The following ADGRF5 variants were observed in gnomAD, a reference collection of about 807,000 sequenced individuals.
ADGRF5 encodes G-protein coupled receptor 116.
In ADGRF5, 75 loss-of-function variants were observed where a neutral mutation model predicts 132.3. The ratio of observed to expected loss-of-function variants is 0.57; its 90% CI spans 0.47 to 0.69. The LOEUF (loss-of-function observed/expected upper bound fraction) is 0.69, where lower values mean the gene tolerates loss of function less well. Ranked by LOEUF, ADGRF5 falls within the 30% of genes least tolerant of loss-of-function variation. The probability of loss-of-function intolerance (pLI) is 0.00; values close to 1 mark genes in which losing one functional copy is unlikely to be tolerated. For synonymous variants in ADGRF5, 629 were observed against 597.6 expected, an observed-to-expected ratio of 1.05 and a Z score of -0.77; for missense variants, 1,516 against 1,630.6, an observed-to-expected ratio of 0.93 and a Z score of 1.21.
At chr6:46,855,240 G>A (rs1183585283) in intron 20 of ADGRF5, among the ~76,000 whole-genome samples, 1 of 152,064 alleles carries the variant, frequency 6.6e-6, no homozygotes, top group African/African-American at 2.4e-5. Context: ...ATAATAGCAG[G>A]GTTGACTGAA....
chr6:46,864,526 A>ATTTT (rs200329634), intron 14 of ADGRF5, among the ~76,000 whole-genome samples: 1 of 141,594 alleles, frequency 7.1e-6, no homozygotes, highest in African/African-American at 2.6e-5. Context: ...ACATGTAATA[A>ATTTT]TTTTTTTTTT....
At chr6:46,881,636 A>C (rs1340900454) in intron 7 of ADGRF5, 39 bp from the exon 8 acceptor site, 1 of 1,590,336 alleles carries the variant, frequency 6.3e-7, no homozygotes, top group African/African-American at 1.3e-5. Context: ...ACAATAACTG[A>C]CCTGGAAGAG....
intron 1 of ADGRF5, among the ~76,000 whole-genome samples, chr6:46,911,283 T>G (rs1775926769): frequency 6.6e-6 from 1 of 152,236 alleles, no homozygotes; most frequent in Non-Finnish European, 1.5e-5. Flanking sequence ...AATAAGCATC[T>G]ATAATACTTT....
chr6:46,922,775 C>T (rs953763649), upstream of ADGRF5, among the ~76,000 whole-genome samples: 19 of 152,144 alleles, frequency 1.2e-4, no homozygotes, highest in Non-Finnish European at 1.5e-4. Flanking sequence ...ATAAGTGCTT[C>T]GGGTGAGTCC....
Position 46,853,922 on chromosome 6 carries a change from T to C in ADGRF5, c.*70A>G. On this transcript the variant is annotated 3_prime_UTR_variant, in exon 21 of 21. Transcript: ENST00000283296. ...CCCCGAGAACACGTTCCCCATTGCT[T>C]TGCAAGCATCTCTTTTTAAAAGCAC... 9.1e-7 allele frequency: 1 copy of C among 1,098,522 alleles called. No homozygotes were observed. Among genetic ancestry groups the C allele is most frequent in the South Asian group, 1.4e-5 (1 of 71,512 alleles). The allele number at this position is 1,098,522 out of a possible 1,614,324, so 68.0% of individuals were successfully genotyped here.
chr6:46,908,989 G>C (rs1433355965), intron 1 of ADGRF5: 1 of 152,070 alleles, frequency 6.6e-6, no homozygotes, highest in Non-Finnish European at 1.5e-5. Flanking sequence ...CAGCTTTTGG[G>C]GTTGCTGCCA....
rs116157518 is a variant in ADGRF5 at position 46,935,390 on chromosome 6, G to A, written c.-25+19344C>T. The stretch of plus-strand genomic sequence containing the variant: ...CACCACCTTGTTGCCTGCACTTGAG[G>A]GAAACCCCCACCACTCCACCCTGGT... On this transcript the variant is annotated intron_variant, in intron 1 of 20. Transcript: ENST00000265417. 2.9e-3 allele frequency among the ~76,000 whole-genome samples: 447 copies of A among 152,170 alleles called. 3 individuals carry two copies. Among genetic ancestry groups the A allele is most frequent in the Middle Eastern group, 0.014 (4 of 294 alleles).
intron 1 of ADGRF5, among the ~76,000 whole-genome samples, chr6:46,939,575 A>G (rs1777976737): frequency 6.6e-6 from 1 of 152,222 alleles, no homozygotes; most frequent in African/African-American, 2.4e-5. Flanking sequence ...TTTTTATACA[A>G]TCACTGTTAA....
chr6:46,861,618 C>A (rs111690638), intron 15 of ADGRF5, among the ~76,000 whole-genome samples: 1 of 152,236 alleles, frequency 6.6e-6, no homozygotes, highest in African/African-American at 2.4e-5. Flanking sequence ...TGATATTGCT[C>A]CAATTAAATT....
At chr6:46,864,526 AT>A (rs200329634) in intron 14 of ADGRF5, among the ~76,000 whole-genome samples, 12,746 of 141,448 alleles carry the variant, frequency 0.09, 553 homozygotes, top group African/African-American at 0.16. Flanking sequence ...ACATGTAATA[AT>A]TTTTTTTTTT....
At chr6:46,916,074 C>T (rs182385314) in intron 1 of ADGRF5, among the ~76,000 whole-genome samples, 2 of 152,292 alleles carry the variant, frequency 1.3e-5, no homozygotes, top group Non-Finnish European at 2.9e-5. Flanking sequence ...GGGTCTACAG[C>T]TCTTCTCTCT....
At chr6:46,872,280 A>G (rs1771159310) in intron 10 of ADGRF5, among the ~76,000 whole-genome samples, 1 of 152,196 alleles carries the variant, frequency 6.6e-6, no homozygotes, top group Non-Finnish European at 1.5e-5. Flanking sequence ...CAGATGTAAA[A>G]TGAGGATTAA....
chr6:46,941,418 AAAGAAAAGAAAAGAAAAG>A (rs1778060580), intron 1 of ADGRF5, among the ~76,000 whole-genome samples: 5 of 47,372 alleles, frequency 1.1e-4, no homozygotes, highest in Admixed American at 5.3e-4. Flanking sequence ...AAAGAAAAGA[AAAGAAAAGAAAAGAAAAG>A]AAAAGAAAAG....
In ADGRF5 at chr6:46,852,603, A is replaced by G. The variant is rs554059834; in HGVS notation, c.*1389T>C. 2.7e-5 allele frequency: 4 copies of G among 150,848 alleles called. No homozygotes were observed. Among genetic ancestry groups the G allele is most frequent in the Non-Finnish European group, 5.9e-5 (4 of 68,020 alleles). 9.3% of individuals were successfully genotyped at this position (150,848 alleles called of 1,614,324 possible). ...TAACTCTAATATGCGTGCAATTTTC[A>G]TAAATATTTATATTTTTTAATGAAA... is the stretch of plus-strand genomic sequence containing the variant. On this transcript the variant is annotated 3_prime_UTR_variant, in exon 21 of 21. Coordinates refer to ENST00000283296, the MANE Select transcript of ADGRF5 (RefSeq NM_001098518.2).
chr6:46,916,543 T>A (rs898686449), intron 1 of ADGRF5, among the ~76,000 whole-genome samples: 4 of 152,158 alleles, frequency 2.6e-5, no homozygotes, highest in Admixed American at 2.0e-4. Flanking sequence ...ACCACACTTT[T>A]TTGGACATTG....
intron 6 of ADGRF5, among the ~76,000 whole-genome samples, chr6:46,882,574 T>C (rs1477711732): frequency 6.6e-6 from 1 of 152,212 alleles, no homozygotes; most frequent in Non-Finnish European, 1.5e-5. Flanking sequence ...CTGCAGCCCT[T>C]GCTCCATTAC....
chr6:46,916,473 G>A (rs569864625), intron 1 of ADGRF5, among the ~76,000 whole-genome samples: 2 of 152,328 alleles, frequency 1.3e-5, no homozygotes, highest in South Asian at 4.1e-4. Flanking sequence ...CGGGTACTAA[G>A]TCCTGTTACC....
chr6:46,948,041 C>T (rs116048915), intron 1 of ADGRF5, among the ~76,000 whole-genome samples: 328 of 152,288 alleles, frequency 2.2e-3, no homozygotes, highest in African/African-American at 7.2e-3. Context: ...TCATCTTTCA[C>T]GGAGACCCCC....
rs533527412 is a variant in ADGRF5 at position 46,914,283 on chromosome 6, G to A, written c.-25+7430C>T. On this transcript the variant is annotated intron_variant, in intron 1 of 20. Transcript: ENST00000283296. ...AAAAAACCCTTAAGTGTAACTTTAA[G>A]AGCCTGCCTTCATAAATCTGTATTT... Among the ~76,000 whole-genome samples the A allele has an allele frequency of 1.6e-3, 240 of 152,298 alleles. 2 individuals are homozygous for A. Among genetic ancestry groups the A allele is most frequent in the African/African-American group, 5.8e-3 (239 of 41,562 alleles).
Sources: gnomAD v4.1 joint callset for allele counts (sites outside exome capture counted in the v4.1 genomes callset) on GRCh38, gnomAD v4.1.1 for gene constraint, MANE v1.5 for transcripts, NCBI Gene and HGNC (gene_info 2026-07-23, HGNC 2026-07-21) for gene names.